Variants in HHIPL1 observed in about 807,000 individuals in gnomAD.
HHIPL1 encodes the protein HHIP like 1.
In HHIPL1, 43 loss-of-function variants were observed where a neutral mutation model predicts 61.8. The ratio of observed to expected loss-of-function variants is 0.70; its 90% CI spans 0.55 to 0.90. The LOEUF (loss-of-function observed/expected upper bound fraction) is 0.90, where lower values mean the gene tolerates loss of function less well. HHIPL1 is among the 40% of genes least tolerant of loss of function. The pLI is 0.00. For missense variants in HHIPL1, 1,056 were observed against 1,157.7 expected, an observed-to-expected ratio of 0.91 and a Z score of 1.28; for synonymous variants, 482 against 515.8, an observed-to-expected ratio of 0.93 and a Z score of 0.89.
At chr14:99,644,281 G>C (rs538708369), upstream of HHIPL1, among the ~76,000 whole-genome samples, 3 of 152,282 alleles carry the variant, frequency 2.0e-5, no homozygotes, top group East Asian at 5.8e-4. Context: ...AGAGAAGATG[G>C]GGAAGGACAC....
At chr14:99,662,828 C>G in intron 5 of HHIPL1, 48 bp from the exon 6 acceptor site, 1 of 1,523,422 alleles carries the variant, frequency 6.6e-7, no homozygotes, top group Non-Finnish European at 8.8e-7. Flanking sequence ...GGTAGGTTCC[C>G]CTGGGTGCCA....
At chr14:99,672,535 C>T (rs78031563) in intron 8 of HHIPL1, 136 bp downstream of exon 8, 15,077 of 694,070 alleles carry the variant, frequency 0.022, 243 homozygotes, top group Middle Eastern at 0.03. Context: ...TAGCACTGTG[C>T]CTGGCACACA....
At chr14:99,629,762 C>T in the HHIPL1 span, among the ~76,000 whole-genome samples, 2 of 152,174 alleles carry the variant, frequency 1.3e-5, no homozygotes, top group African/African-American at 4.8e-5. Context: ...CTCAGCCTCC[C>T]GAAGTGCTGG....
intron 2 of HHIPL1, among the ~76,000 whole-genome samples, chr14:99,655,747 T>G (rs1327231395): frequency 6.6e-6 from 1 of 152,152 alleles, no homozygotes; most frequent in African/African-American, 2.4e-5. Flanking sequence ...TTGGGAGGGC[T>G]GGAGAAGGAG....
At chr14:99,669,220 T>C in intron 7 of HHIPL1, 1 of 1,212,158 alleles carries the variant, frequency 8.2e-7, no homozygotes, top group Non-Finnish European at 1.0e-6. Flanking sequence ...GTGCTGGGAA[T>C]GGCACGGAGC....
In HHIPL1 at chr14:99,659,716, C is replaced by G; in HGVS notation, c.1335C>G (p.Phe445Leu). ...ATGGCTGGCGCGCGCGCGAAGGGTT[C>G]GAGTGCTACGACCGCAGCCTGTGCG... The part of the protein sequence containing the change: ...GNYGWRAREG[F>L]ECYDRSLCAN... Residue 445 changes from phenylalanine to leucine, a missense_variant, in exon 4 of 9, where the codon TTC (phenylalanine) becomes TTG (leucine). By Grantham distance (22) the Phe-to-Leu change is conservative. Transcript: ENST00000330710. 2 of 1,479,400 alleles carry G rather than the reference C, an allele frequency of 1.4e-6. No homozygotes were observed. Among genetic ancestry groups the G allele is most frequent in the South Asian group, 2.8e-5 (2 of 72,352 alleles). The allele number at this position is 1,479,400 out of a possible 1,614,324, so 91.6% of individuals were successfully genotyped here. A position where few individuals can be genotyped will look rare whatever the true frequency, so the allele number is the denominator to read the frequency against.
intron 5 of HHIPL1, among the ~76,000 whole-genome samples, chr14:99,662,270 G>A (rs761313782): frequency 3.3e-5 from 5 of 152,152 alleles, no homozygotes; most frequent in Admixed American, 6.5e-5. Context: ...TTCAGGGAGG[G>A]CTTCACAGAG....
At chr14:99,656,971 G>A (rs767461003) in intron 2 of HHIPL1, 29 bp from the exon 3 acceptor site, 1 of 1,558,776 alleles carries the variant, frequency 6.4e-7, no homozygotes, top group African/African-American at 1.4e-5. Flanking sequence ...GTGGAAGGCT[G>A]AGTTTTAGGG....
chr14:99,655,905 C>A (rs1043626757), intron 2 of HHIPL1, among the ~76,000 whole-genome samples: 1 of 152,234 alleles, frequency 6.6e-6, no homozygotes, highest in Non-Finnish European at 1.5e-5. Flanking sequence ...CAGGAGTCCA[C>A]GTTCACCAGC....
the HHIPL1 span, among the ~76,000 whole-genome samples, chr14:99,621,709 C>CTTTTTT: frequency 0.015 from 1,251 of 84,408 alleles, 7 homozygotes; most frequent in Non-Finnish European, 0.018. Flanking sequence ...CTTTTCTTTT[C>CTTTTTT]TTTTTTTTTT....
intron 5 of HHIPL1, 142 bp from the exon 6 acceptor site, chr14:99,662,734 A>G (rs11160535): frequency 0.21 from 155,672 of 732,176 alleles, 17,213 homozygotes; most frequent in East Asian, 0.29. Context: ...GTGAGTGGAT[A>G]TGTAGATGGA....
intron 2 of HHIPL1, among the ~76,000 whole-genome samples, chr14:99,656,711 G>A (rs1335935706): frequency 3.3e-5 from 5 of 151,068 alleles, no homozygotes; most frequent in African/African-American, 1.2e-4. Context: ...GGGTGGCGGC[G>A]GTTGCAATGA....
At chr14:99,672,203 G>T (rs901115728) in intron 7 of HHIPL1, 114 bp from the exon 8 acceptor site, 1 of 765,690 alleles carries the variant, frequency 1.3e-6, no homozygotes, top group East Asian at 2.7e-5. Flanking sequence ...GGTGCATGGT[G>T]AATGGCCGCC....
chr14:99,642,294 C>T (rs952519467), upstream of HHIPL1, among the ~76,000 whole-genome samples: 1 of 152,134 alleles, frequency 6.6e-6, no homozygotes, highest in Non-Finnish European at 1.5e-5. Context: ...CCCTTCTTCT[C>T]TTTCCCATTT....
intron 2 of HHIPL1, among the ~76,000 whole-genome samples, 136 bp from the exon 3 acceptor site, chr14:99,656,838 AGGAAGGAAGGAAGGAAGGAAGGAAGG>A (rs2056045852): frequency 1.2e-5 from 1 of 85,582 alleles, no homozygotes; most frequent in Admixed American, 1.1e-4. Flanking sequence ...AAAGAAAGAA[AGGAAGGAAGGAAGGAAGGAAGGAAGG>A]AAGGAAGGAA....
Position 99,660,293 on chromosome 14 carries a change from G to A in HHIPL1, c.1389G>A (p.Pro463=), listed in dbSNP as rs757847670. Residue 463 remains proline, a synonymous_variant, in exon 5 of 9, where the codon CCG becomes CCA. Transcript: ENST00000330710. This position sits in a 1 kb window ranked among gnomAD's most constrained non-coding sequence, Gnocchi z 4.9. ...CANTSLNDLL[P]IFAYPHTVGK... ...CCCACCCCGCAGATGACTTGCTGCC[G>A]ATTTTCGCCTACCCGCACACGGTTG... 7 of 1,614,020 alleles carry A rather than the reference G, an allele frequency of 4.3e-6. No homozygotes were observed. The Admixed American group carries it at 1.2e-4, about 27-fold the overall frequency.
chr14:99,659,841 ACCGCACC>A, intron 4 of HHIPL1, 85 bp downstream of exon 4: 1 of 368,524 alleles, frequency 2.7e-6, no homozygotes, highest in Non-Finnish European at 3.8e-6. Context: ...TCCCTCGGAG[ACCGCACC>A]CCCCCCCCCC....
At chr14:99,619,646 G>T in the HHIPL1 span, among the ~76,000 whole-genome samples, 2 of 152,194 alleles carry the variant, frequency 1.3e-5, no homozygotes, top group African/African-American at 4.8e-5. Context: ...CAGTGTCAGA[G>T]TAGGGATCAG....
Position 99,652,874 on chromosome 14 carries a change from G to T in HHIPL1, c.902+4G>T, listed in dbSNP as rs1467700735. 6.2e-7 allele frequency: 1 copy of T among 1,609,760 alleles called. No individual in the cohort carries two copies. Among genetic ancestry groups the T allele is most frequent in the Non-Finnish European group, 8.5e-7 (1 of 1,177,214 alleles). On this transcript the variant is annotated splice_donor_region_variant and intron_variant, in intron 2 of 8. Coordinates refer to ENST00000330710, the MANE Select transcript of HHIPL1 (RefSeq NM_001127258.3). ...CCGTGGACCACAGCTCTGAGAGGTG[G>T]CTTCCTTGGGGAACCCGGGCCTGGG...
Sources: gnomAD v4.1 joint callset for allele counts (sites outside exome capture counted in the v4.1 genomes callset) on GRCh38, gnomAD v4.1.1 for gene constraint, Gnocchi (gnomAD v3.1) non-coding constraint, MANE v1.5 for transcripts, NCBI Gene and HGNC (gene_info 2026-07-23, HGNC 2026-07-21) for gene names.